RANBP2: variants seen among roughly 807,000 people sequenced by gnomAD.
RANBP2 encodes the protein RAN binding protein 2.
Under a neutral mutation model 303.6 loss-of-function variants are expected in RANBP2, and 57 were observed. That is an observed-to-expected ratio of 0.19 (90% CI 0.15 to 0.23). The LOEUF (loss-of-function observed/expected upper bound fraction) is 0.23, where lower values mean the gene tolerates loss of function less well. RANBP2 is among the 10% of genes least tolerant of loss of function. The pLI is 1.00. For synonymous variants in RANBP2, 1,167 were observed against 1,301.5 expected (o/e 0.90, Z 2.23); for missense variants, 3,138 against 3,780.8 (o/e 0.83, Z 4.46).
the RANBP2 span, among the ~76,000 whole-genome samples, chr2:109,726,812 GAT>G: frequency 6.0e-4 from 91 of 152,228 alleles, no homozygotes; most frequent in Non-Finnish European, 4.4e-5. Context: ...TGTGGTCGGG[GAT>G]AGGCTTGGAG....
chr2:109,611,724 A>G, the RANBP2 span, among the ~76,000 whole-genome samples: 5 of 152,272 alleles, frequency 3.3e-5, no homozygotes, highest in East Asian at 9.7e-4. Context: ...CCATCTTGGC[A>G]CCACTGCACT....
chr2:109,619,689 T>C, the RANBP2 span, among the ~76,000 whole-genome samples: 1 of 152,212 alleles, frequency 6.6e-6, no homozygotes, highest in Admixed American at 6.5e-5. Flanking sequence ...GAATAACTTC[T>C]TTCCTTAGAA....
the RANBP2 span, among the ~76,000 whole-genome samples, chr2:108,795,085 C>T: frequency 2.0e-5 from 3 of 150,248 alleles, no homozygotes; most frequent in Non-Finnish European, 3.0e-5. Flanking sequence ...TGTCAACTCT[C>T]ATCAAAATTG....
chr2:109,130,839 C>T, the RANBP2 span, among the ~76,000 whole-genome samples: 2 of 152,128 alleles, frequency 1.3e-5, no homozygotes, highest in Non-Finnish European at 2.9e-5. Flanking sequence ...AAGATCTTCT[C>T]TGGATGGCTT....
At chr2:109,644,260 T>C in the RANBP2 span, among the ~76,000 whole-genome samples, 2 of 152,024 alleles carry the variant, frequency 1.3e-5, no homozygotes, top group African/African-American at 4.8e-5. Flanking sequence ...TGAGCTGACA[T>C]CACGCCACTG....
In RANBP2 at chr2:108,767,186, A is replaced by C; in HGVS notation, c.6647A>C (p.Glu2216Ala). The C allele has an allele frequency of 6.2e-7, 1 of 1,612,064 alleles. No individual in the cohort carries two copies. The highest frequency in any genetic ancestry group is 1.1e-5 in the South Asian group (1 of 90,992). The part of the protein sequence containing the change: ...ASDTTIKPNP[E>A]NTGPTLEWDN... ...GACACAACAATAAAACCCAATCCTGAAAACACTGGGCCCACATTAGAATGG... is the reference window on the plus strand; with the variant it reads ...GACACAACAATAAAACCCAATCCTGCAAACACTGGGCCCACATTAGAATGG... The change falls in exon 20 of 29, where the codon GAA (glutamate) becomes GCA (alanine). Residue 2216 changes from glutamate to alanine, a missense_variant. Transcript: ENST00000283195.
At chr2:108,794,589 T>C in the RANBP2 span, 4 of 1,614,076 alleles carry the variant, frequency 2.5e-6, no homozygotes, top group South Asian at 3.3e-5. Context: ...CTGAGTGTTG[T>C]AGTGATGCAG....
At chr2:109,160,876 G>T in the RANBP2 span, among the ~76,000 whole-genome samples, 1 of 152,196 alleles carries the variant, frequency 6.6e-6, no homozygotes, top group African/African-American at 2.4e-5. Context: ...AAGGCTGCAG[G>T]TGGGCCACTG....
chr2:109,287,483 C>T, the RANBP2 span, among the ~76,000 whole-genome samples: 1,393 of 152,298 alleles, frequency 9.1e-3, 23 homozygotes, highest in African/African-American at 0.032. Context: ...AGATACCTCC[C>T]TTCTGAGAGC....
intron 6 of RANBP2, among the ~76,000 whole-genome samples, chr2:108,737,102 G>C (rs1695649262): frequency 6.6e-6 from 1 of 151,682 alleles, no homozygotes; most frequent in African/African-American, 2.4e-5. Context: ...ATTTCACTGA[G>C]TGCAGGGAGT....
intron 4 of RANBP2, among the ~76,000 whole-genome samples, chr2:108,733,257 CTTTTT>C (rs34665362): frequency 1.2e-5 from 1 of 84,998 alleles, no homozygotes; most frequent in Non-Finnish European, 2.1e-5. Context: ...TAACCATTCC[CTTTTT>C]TTTTTTTTTT....
chr2:109,227,746 G>A, the RANBP2 span, among the ~76,000 whole-genome samples: 1 of 152,200 alleles, frequency 6.6e-6, no homozygotes, highest in Non-Finnish European at 1.5e-5. Flanking sequence ...GTCCTTTCGG[G>A]TCCAACGCAA....
the RANBP2 span, among the ~76,000 whole-genome samples, chr2:109,493,832 A>T: frequency 6.6e-6 from 1 of 152,148 alleles, no homozygotes; most frequent in Non-Finnish European, 1.5e-5. Context: ...CAAATTGTAC[A>T]TCAAGCAACC....
chr2:109,130,808 C>T, the RANBP2 span, among the ~76,000 whole-genome samples: 3 of 152,166 alleles, frequency 2.0e-5, no homozygotes, highest in East Asian at 3.9e-4. Context: ...TTAGGGCCTT[C>T]GCTGCTTCTG....
the RANBP2 span, among the ~76,000 whole-genome samples, chr2:109,517,858 T>A: frequency 0.028 from 4,255 of 152,284 alleles, 220 homozygotes; most frequent in African/African-American, 0.097. Context: ...CTAGGAAGCC[T>A]AGATAACGAC....
chr2:109,299,972 C>G, the RANBP2 span, among the ~76,000 whole-genome samples: 8 of 152,206 alleles, frequency 5.3e-5, no homozygotes, highest in African/African-American at 1.4e-4. Context: ...GGGATTTGTT[C>G]TATTTATTTA....
the RANBP2 span, among the ~76,000 whole-genome samples, chr2:109,458,994 A>G: frequency 5.9e-5 from 9 of 152,316 alleles, no homozygotes; most frequent in Non-Finnish European, 1.2e-4. Flanking sequence ...CTTAGTTTCC[A>G]CATAAAGACA....
chr2:109,570,725 T>C, the RANBP2 span, among the ~76,000 whole-genome samples: 1 of 151,990 alleles, frequency 6.6e-6, no homozygotes, highest in Non-Finnish European at 1.5e-5. Context: ...GGTTTCACTG[T>C]GTTGGCCAGG....
the RANBP2 span, chr2:108,815,981 T>A: frequency 1.9e-6 from 3 of 1,613,408 alleles, no homozygotes; most frequent in African/African-American, 4.0e-5. Flanking sequence ...TTAACTGTCT[T>A]CATGGACTGG....
Sources: allele counts gnomAD v4.1 joint callset (sites outside exome capture counted in the v4.1 genomes callset), GRCh38; gene constraint gnomAD v4.1.1; transcripts MANE v1.5; gene names NCBI Gene and HGNC (gene_info 2026-07-23, HGNC 2026-07-21).